WDFY4: variants seen among roughly 807,000 people sequenced by gnomAD.
The protein encoded by WDFY4 is WDFY family member 4, also known as WD repeat- and FYVE domain-containing protein 4.
In WDFY4, 169 loss-of-function variants were observed where a neutral mutation model predicts 351.9. The ratio of observed to expected loss-of-function variants is 0.48; its 90% CI spans 0.42 to 0.55. The LOEUF is 0.55. Among genes scored for constraint, WDFY4 ranks in the 20% least tolerant of loss-of-function variants. The pLI is 0.00. For synonymous variants in WDFY4, 1,622 were observed against 1,574.6 expected, an observed-to-expected ratio of 1.03 and a Z score of -0.71; for missense variants, 3,803 against 3,935.6, an observed-to-expected ratio of 0.97 and a Z score of 0.90.
intron 39 of WDFY4, among the ~76,000 whole-genome samples, chr10:48,835,150 C>A (rs1306696383): frequency 6.6e-6 from 1 of 152,222 alleles, no homozygotes; most frequent in Non-Finnish European, 1.5e-5. Flanking sequence ...ACAAAACTGA[C>A]ATATTCTCTT....
At chr10:48,888,280 CT>C (rs2070549631) in intron 43 of WDFY4, among the ~76,000 whole-genome samples, 1 of 143,496 alleles carries the variant, frequency 7.0e-6, no homozygotes, top group Non-Finnish European at 1.5e-5. Context: ...TTCCTCTCCC[CT>C]CCCCCTCCCT....
intron 35 of WDFY4, 121 bp from the exon 36 acceptor site, chr10:48,826,550 A>T: frequency 1.5e-6 from 1 of 687,960 alleles, no homozygotes; most frequent in South Asian, 1.9e-5. Flanking sequence ...TCTATAAATT[A>T]CTTTGGGCGG....
chr10:48,953,683 T>C (rs1289254715), intron 51 of WDFY4, among the ~76,000 whole-genome samples: 3 of 152,216 alleles, frequency 2.0e-5, no homozygotes, highest in Non-Finnish European at 4.4e-5. Context: ...CACTTCCATA[T>C]CCAGATGTGG....
At chr10:48,740,073 A>G (rs2064803924) in intron 11 of WDFY4, among the ~76,000 whole-genome samples, 1 of 152,274 alleles carries the variant, frequency 6.6e-6, no homozygotes, top group East Asian at 1.9e-4. Context: ...TTATGTGACT[A>G]ACAGAAGCGC....
In WDFY4 at chr10:48,923,617, T is replaced by C. The variant is rs184155587; in HGVS notation, c.7587-18189T>C. Among the ~76,000 whole-genome samples the C allele has an allele frequency of 2.6e-5, 4 of 151,928 alleles. No homozygotes were observed. The East Asian group carries it at 7.8e-4, about 29-fold the overall frequency. Reference sequence around the variant, plus strand: ...ATCTATGGTCATTATTAGTGCTTACTCATGCATTCGTTCATTTGTTCATTC... The same window carrying C: ...ATCTATGGTCATTATTAGTGCTTACCCATGCATTCGTTCATTTGTTCATTC... On this transcript the variant is annotated intron_variant, in intron 47 of 61. Transcript: ENST00000325239.
chr10:48,777,500 G>A lies in WDFY4; in HGVS notation c.3175+5G>A. ...TCTCTGGAGGAATTGGGACAGGTAG[G>A]TGTTTTTCCCAGATGGTTTAGCTCT... On this transcript the variant is annotated splice_donor_5th_base_variant and intron_variant, in intron 17 of 61. Transcript: ENST00000325239. The A allele has an allele frequency of 6.4e-7, 1 of 1,551,646 alleles. No individual in the cohort carries two copies. The highest frequency in any genetic ancestry group is 8.7e-7 in the Non-Finnish European group (1 of 1,146,906).
intron 36 of WDFY4, among the ~76,000 whole-genome samples, chr10:48,828,520 GA>G (rs1398864552): frequency 6.6e-6 from 1 of 152,146 alleles, no homozygotes; most frequent in East Asian, 1.9e-4. Context: ...GGCACAGGGG[GA>G]CTGCTGGCAG....
In WDFY4 at chr10:48,743,034, G is replaced by A; in HGVS notation, c.1945G>A (p.Gly649Arg). The A allele has an allele frequency of 4.5e-6, 7 of 1,551,466 alleles. No individual in the cohort carries two copies. Among genetic ancestry groups the A allele is most frequent in the Non-Finnish European group, 6.1e-6 (7 of 1,146,960 alleles). Residue 649 changes from glycine (G) to arginine (R), a missense_variant, in exon 12 of 62, where the codon GGG (glycine) becomes AGG (arginine). By Grantham distance (125) the Gly-to-Arg change is moderately radical (BLOSUM62 -2). Around this residue, in one of 3 missense-constraint regions of WDFY4, gnomAD observed 261 missense variants for 330.2 expected, o/e 0.79. Coordinates refer to ENST00000325239, the MANE Select transcript of WDFY4 (RefSeq NM_001394531.1). ...AAFRVSSGFN[G>R]LLSLLSDLEG... The stretch of plus-strand genomic sequence containing the variant: ...CTTCAGAGTCTCCAGCGGGTTCAAC[G>A]GGCTGCTGTCTCTGCTCTCTGACCT...
intron 39 of WDFY4, among the ~76,000 whole-genome samples, chr10:48,854,737 T>C (rs1467555170): frequency 1.3e-5 from 2 of 152,212 alleles, no homozygotes; most frequent in Admixed American, 1.3e-4. Context: ...ATTATCACAC[T>C]GAAGTTGGGC....
At chr10:48,760,238 A>G in intron 12 of WDFY4, 109 bp from the exon 13 acceptor site, 1 of 970,756 alleles carries the variant, frequency 1.0e-6, no homozygotes, top group South Asian at 1.6e-5. Flanking sequence ...GTAATAAGAC[A>G]GGATGTGTAC....
At chr10:48,747,436 C>T (rs1327258854) in intron 12 of WDFY4, among the ~76,000 whole-genome samples, 1 of 152,046 alleles carries the variant, frequency 6.6e-6, no homozygotes, top group East Asian at 1.9e-4. Flanking sequence ...ACCTCTTCTC[C>T]ATCCCTTTTC....
intron 24 of WDFY4, chr10:48,801,465 A>G (rs1331324680): frequency 4.4e-6 from 2 of 454,664 alleles, no homozygotes; most frequent in South Asian, 1.6e-5. Flanking sequence ...GCCTTCATGA[A>G]TCAATATCCT....
intron 8 of WDFY4, 139 bp from the exon 9 acceptor site, chr10:48,730,970 TG>T: frequency 9.9e-7 from 1 of 1,011,992 alleles, no homozygotes; most frequent in Non-Finnish European, 1.4e-6. Context: ...CTGGCTTTTC[TG>T]GACTTCTGAT....
chr10:48,914,891 G>A (rs543019847), intron 47 of WDFY4, among the ~76,000 whole-genome samples: 1 of 152,308 alleles, frequency 6.6e-6, no homozygotes, highest in African/African-American at 2.4e-5. Context: ...TGCGGGCAAA[G>A]CTCATGGAGA....
intron 51 of WDFY4, among the ~76,000 whole-genome samples, chr10:48,949,418 C>T (rs1416963805): frequency 6.6e-6 from 1 of 152,206 alleles, no homozygotes; most frequent in African/African-American, 2.4e-5. Flanking sequence ...CCAGGCTCCT[C>T]TTTGAGAGTG....
chr10:48,805,298 A>G lies in WDFY4; in HGVS notation c.4523A>G (p.Gln1508Arg). ...PRNAEAAHQAQLIPKLIFLFN... is the reference protein window; with the variant it reads ...PRNAEAAHQARLIPKLIFLFN... ...AATGCTGAAGCTGCCCACCAGGCAC[A>G]GCTTATACCCAAGCTCATCTTCCTA... The change falls in exon 26 of 62, where the codon CAG (glutamine) becomes CGG (arginine). Residue 1508 changes from glutamine to arginine, a missense_variant. Coordinates refer to ENST00000325239, the MANE Select transcript of WDFY4 (RefSeq NM_001394531.1). The G allele has an allele frequency of 1.3e-6, 2 of 1,547,056 alleles. No homozygotes were observed. Among genetic ancestry groups the G allele is most frequent in the Non-Finnish European group, 1.7e-6 (2 of 1,146,980 alleles).
intron 23 of WDFY4, among the ~76,000 whole-genome samples, chr10:48,793,358 T>G (rs2066744881): frequency 6.6e-6 from 1 of 152,232 alleles, no homozygotes. Flanking sequence ...TTAAAACTGT[T>G]ATTCTGTCTT....
chr10:48,888,980 T>G (rs2070580005), intron 43 of WDFY4, among the ~76,000 whole-genome samples: 1 of 152,254 alleles, frequency 6.6e-6, no homozygotes, highest in East Asian at 1.9e-4. Flanking sequence ...TTGTATATCT[T>G]GTCCACCTTA....
intron 1 of WDFY4, among the ~76,000 whole-genome samples, chr10:48,691,570 C>T (rs565926857): frequency 2.5e-4 from 38 of 152,370 alleles, no homozygotes; most frequent in African/African-American, 8.9e-4. Context: ...GCCCTCCCTG[C>T]AGTGGCTGGC....
Sources: gnomAD v4.1 joint callset for allele counts (sites outside exome capture counted in the v4.1 genomes callset) on GRCh38, gnomAD v4.1.1 for gene constraint, gnomAD v4.1.1 regional missense constraint, MANE v1.5 for transcripts, NCBI Gene and HGNC (gene_info 2026-07-23, HGNC 2026-07-21) for gene names.